Variants in GUCY1B1 observed in about 807,000 individuals in gnomAD.
GUCY1B1 encodes the protein guanylate cyclase soluble subunit beta-1.
Under a neutral mutation model 71.0 loss-of-function variants are expected in GUCY1B1, and 43 were observed. That is an observed-to-expected ratio of 0.61 (90% CI 0.47 to 0.78). GUCY1B1 has a LOEUF of 0.78. Among genes scored for constraint, GUCY1B1 ranks in the 30% least tolerant of loss-of-function variants. The pLI, the probability that GUCY1B1 is intolerant of heterozygous loss-of-function variation, is 0.00. For missense variants in GUCY1B1, 535 were observed against 754.1 expected, an observed-to-expected ratio of 0.71 and a Z score of 3.40; for synonymous variants, 266 against 259.7, an observed-to-expected ratio of 1.02 and a Z score of -0.23.
chr4:155,765,795 C>A (rs78560218), intron 2 of GUCY1B1, among the ~76,000 whole-genome samples: 34 of 152,286 alleles, frequency 2.2e-4, no homozygotes, highest in African/African-American at 8.2e-4. Flanking sequence ...CCATACCGAG[C>A]CTTAAATGTG....
chr4:155,790,526 G>C (rs1561022269), intron 5 of GUCY1B1, among the ~76,000 whole-genome samples: 15 of 152,126 alleles, frequency 9.9e-5, no homozygotes. Context: ...GAGAACCACT[G>C]TTTCTCTTTA....
chr4:155,782,491 G>A (rs1390570171), intron 4 of GUCY1B1, among the ~76,000 whole-genome samples: 1 of 152,158 alleles, frequency 6.6e-6, no homozygotes, highest in Admixed American at 6.5e-5. Context: ...GATAAGGAAT[G>A]TTCAGTTTAA....
At chr4:155,786,461 C>CTTTTTTTTTTTTTTTTTTTTTTTTTT (rs70954058) in intron 4 of GUCY1B1, among the ~76,000 whole-genome samples, 1 of 37,150 alleles carries the variant, frequency 2.7e-5, no homozygotes, top group African/African-American at 1.2e-4. Context: ...TTCTTTCTTT[C>CTTTTTTTTTTTTTTTTTTTTTTTTTT]TTTTTTTTTT....
intron 7 of GUCY1B1, 116 bp downstream of exon 7, chr4:155,795,573 C>G: frequency 1.9e-6 from 1 of 533,876 alleles, no homozygotes; most frequent in Non-Finnish European, 3.3e-6. Context: ...ACCCAGACCT[C>G]AAAGGAAGAT....
intron 4 of GUCY1B1, among the ~76,000 whole-genome samples, chr4:155,777,857 A>G (rs1259676994): frequency 6.6e-6 from 1 of 152,172 alleles, no homozygotes; most frequent in Non-Finnish European, 1.5e-5. Context: ...GGTTGCTGAT[A>G]CTGAATATGC....
At chr4:155,772,304 T>A (rs947723207) in intron 2 of GUCY1B1, among the ~76,000 whole-genome samples, 1 of 152,236 alleles carries the variant, frequency 6.6e-6, no homozygotes, top group African/African-American at 2.4e-5. Flanking sequence ...ATATGTATAG[T>A]ACTTTAACTG....
chr4:155,786,355 C>T (rs1404153062), intron 4 of GUCY1B1, among the ~76,000 whole-genome samples: 2 of 141,664 alleles, frequency 1.4e-5, no homozygotes, highest in Non-Finnish European at 3.0e-5. Flanking sequence ...CTCACTGCAA[C>T]CTCCACCTCC....
At chr4:155,790,139 T>C (rs981632458) in intron 5 of GUCY1B1, among the ~76,000 whole-genome samples, 1 of 152,172 alleles carries the variant, frequency 6.6e-6, no homozygotes, top group Non-Finnish European at 1.5e-5. Context: ...TTATATAGTG[T>C]TCAAGGCTAC....
At position 155,804,604 on chromosome 4, in the gene GUCY1B1, G is replaced by T. The variant is rs770596444; in HGVS notation, c.1566G>T (p.Gly522=). Residue 522 remains glycine, a synonymous_variant, in exon 12 of 14, where the codon GGG becomes GGT. Coordinates refer to ENST00000264424, the MANE Select transcript of GUCY1B1 (RefSeq NM_000857.5). ...TTTCTTTTTTGCAGATAACAATAGG[G>T]ATACACACTGGAGAGGTAGTTACAG... ...VDGESVQITI[G]IHTGEVVTGV... 2 of 1,611,962 alleles carry T rather than the reference G, an allele frequency of 1.2e-6. No homozygotes were observed. Among genetic ancestry groups the T allele is most frequent in the African/African-American group, 2.7e-5 (2 of 74,800 alleles).
intron 4 of GUCY1B1, among the ~76,000 whole-genome samples, chr4:155,786,271 CTTTTTTTTTT>C (rs33996424): frequency 0.21 from 26,455 of 123,844 alleles, 2,640 homozygotes; most frequent in Middle Eastern, 0.35. Context: ...GTTCAATTTC[CTTTTTTTTTT>C]TTTTTTTTTT....
At chr4:155,796,186 T>G (rs1739541703) in intron 7 of GUCY1B1, among the ~76,000 whole-genome samples, 191 bp from the exon 8 acceptor site, 1 of 152,234 alleles carries the variant, frequency 6.6e-6, no homozygotes, top group Non-Finnish European at 1.5e-5. Context: ...GACAGTCACT[T>G]TTCTGCAGTG....
At chr4:155,770,940 T>A (rs1210605013) in intron 2 of GUCY1B1, among the ~76,000 whole-genome samples, 2 of 152,208 alleles carry the variant, frequency 1.3e-5, no homozygotes, top group Non-Finnish European at 2.9e-5. Flanking sequence ...TTGTTATATA[T>A]CATGTTTATT....
chr4:155,759,385 C>G (rs1579175984), intron 1 of GUCY1B1: 3 of 548,434 alleles, frequency 5.5e-6, no homozygotes, highest in South Asian at 4.7e-5. Context: ...CCGCAGCTTC[C>G]TGAGCTCGGG....
intron 3 of GUCY1B1, among the ~76,000 whole-genome samples, chr4:155,777,014 A>G (rs1366612153): frequency 6.6e-6 from 1 of 152,222 alleles, no homozygotes; most frequent in Non-Finnish European, 1.5e-5. Context: ...ATCCATAAGA[A>G]GATATCTTGA....
intron 2 of GUCY1B1, among the ~76,000 whole-genome samples, chr4:155,768,716 T>C (rs1737511253): frequency 6.6e-6 from 1 of 152,150 alleles, no homozygotes; most frequent in Non-Finnish European, 1.5e-5. Flanking sequence ...AAGGATCTGC[T>C]TAAATTCCAA....
intron 9 of GUCY1B1, among the ~76,000 whole-genome samples, chr4:155,801,606 GAAGA>G (rs998725980): frequency 2.6e-5 from 4 of 152,070 alleles, no homozygotes; most frequent in African/African-American, 9.7e-5. Flanking sequence ...CAAAAGGCAG[GAAGA>G]AAAAGGCAGG....
chr4:155,804,757 A>G lies in GUCY1B1; in HGVS notation c.1709+10A>G, dbSNP rs758766764. The stretch of plus-strand genomic sequence containing the variant: ...CTGAATATACATACAGGTGAGAGAA[A>G]ATGTCTTGGTATTTACTGATTTGCA... On this transcript the variant is annotated intron_variant, in intron 12 of 13. Coordinates refer to ENST00000264424, the MANE Select transcript of GUCY1B1 (RefSeq NM_000857.5). 1 of 1,606,208 alleles carries G rather than the reference A, an allele frequency of 6.2e-7. No individual in the cohort carries two copies. The highest frequency in any genetic ancestry group is 1.1e-5 in the South Asian group (1 of 90,514).
intron 3 of GUCY1B1, 111 bp from the exon 4 acceptor site, chr4:155,777,413 C>G: frequency 1.5e-6 from 1 of 670,000 alleles, no homozygotes; most frequent in East Asian, 2.7e-5. Flanking sequence ...TTGCCATGCA[C>G]AAAAATTGAA....
chr4:155,805,577 CT>C (rs1740260134), intron 13 of GUCY1B1, among the ~76,000 whole-genome samples: 2 of 152,044 alleles, frequency 1.3e-5, no homozygotes, highest in African/African-American at 4.8e-5. Context: ...TTCCTCAGCT[CT>C]CTAAGTTGGC....
Sources: gnomAD v4.1 joint callset for allele counts (sites outside exome capture counted in the v4.1 genomes callset) on GRCh38, gnomAD v4.1.1 for gene constraint, MANE v1.5 for transcripts, NCBI Gene and HGNC (gene_info 2026-07-23, HGNC 2026-07-21) for gene names.